Variants in ADAMTS19 observed in about 807,000 individuals in gnomAD.
ADAMTS19 encodes the protein ADAM metallopeptidase with thrombospondin type 1 motif 19, also known as A disintegrin and metalloproteinase with thrombospondin motifs 19.
A neutral mutation model predicts 153.3 loss-of-function variants in ADAMTS19; 93 were observed. The ratio of observed to expected loss-of-function variants is 0.61; its 90% CI spans 0.51 to 0.72. ADAMTS19 has a LOEUF of 0.72. Among genes scored for constraint, ADAMTS19 ranks in the 30% least tolerant of loss-of-function variants. The probability of loss-of-function intolerance (pLI) is 0.00; values close to 1 mark genes in which losing one functional copy is unlikely to be tolerated. For synonymous variants in ADAMTS19, 600 were observed against 556.6 expected (o/e 1.08, Z -1.10); for missense variants, 1,482 against 1,552.1 (o/e 0.95, Z 0.76).
intron 8 of ADAMTS19, among the ~76,000 whole-genome samples, chr5:129,613,127 A>G (rs1328408748): frequency 6.6e-6 from 1 of 152,148 alleles, no homozygotes; most frequent in Non-Finnish European, 1.5e-5. Context: ...AGACAGATCA[A>G]CGAGACAGAA....
intron 2 of ADAMTS19, among the ~76,000 whole-genome samples, chr5:129,473,563 C>T (rs1409018567): frequency 6.6e-6 from 1 of 151,992 alleles, no homozygotes; most frequent in Non-Finnish European, 1.5e-5. Context: ...ATATAATTGA[C>T]ACATTTAAAG....
chr5:129,666,421 C>G (rs1441032863), intron 16 of ADAMTS19, among the ~76,000 whole-genome samples: 1 of 151,848 alleles, frequency 6.6e-6, no homozygotes, highest in African/African-American at 2.4e-5. Flanking sequence ...ATTTTTTTAA[C>G]AAAAATAATG....
rs528340447 is a variant in ADAMTS19, at chr5:129,586,885, C to T, written c.1373-9674C>T. Among the ~76,000 whole-genome samples, 145 of 152,118 alleles carry T rather than the reference C, an allele frequency of 9.5e-4. 1 individual carries two copies. Among genetic ancestry groups the T allele is most frequent in the Middle Eastern group, 3.4e-3 (1 of 294 alleles). The stretch of plus-strand genomic sequence containing the variant: ...TTCTGTGTTGCCTTACAATTTTTTT[C>T]GAAATACATTTAATGATTAATTCTC... On this transcript the variant is annotated intron_variant, in intron 7 of 22. Transcript: ENST00000274487.
chr5:129,680,032 A>G, intron 17 of ADAMTS19, 111 bp downstream of exon 17: 1 of 1,180,896 alleles, frequency 8.5e-7, no homozygotes, highest in Non-Finnish European at 1.1e-6. Flanking sequence ...ACAGACATTT[A>G]AAATTATTTA....
chr5:129,647,831 C>CT lies in ADAMTS19; in HGVS notation c.1940dup (p.Trp648ValfsTer5). ...TGAACATCTGGCCGGAGAGTGGAGC[C>CT]TGTGGAGTCCTTGTAGCCGAACCTG... On this transcript the variant is annotated frameshift_variant, in exon 12 of 23. Coordinates refer to ENST00000274487, the MANE Select transcript of ADAMTS19 (RefSeq NM_133638.6). LOFTEE classifies it high-confidence loss of function. The CT allele has an allele frequency of 6.2e-7, 1 of 1,614,072 alleles. No homozygotes were observed. The highest frequency in any genetic ancestry group is 8.5e-7 in the Non-Finnish European group (1 of 1,179,978).
chr5:129,679,985 G>C, intron 17 of ADAMTS19, 64 bp downstream of exon 17: 1 of 1,427,122 alleles, frequency 7.0e-7, no homozygotes, highest in Non-Finnish European at 9.4e-7. Context: ...TATTCCCAGT[G>C]CACTTCCTCT....
chr5:129,702,957 T>TATAG (rs1755975824), intron 20 of ADAMTS19, among the ~76,000 whole-genome samples: 1 of 130,518 alleles, frequency 7.7e-6, no homozygotes, highest in African/African-American at 3.5e-5. Context: ...TATATATATA[T>TATAG]ATATATATAT....
At chr5:129,472,459 A>T (rs183937910) in intron 2 of ADAMTS19, among the ~76,000 whole-genome samples, 78 of 152,318 alleles carry the variant, frequency 5.1e-4, no homozygotes, top group African/African-American at 1.8e-3. Context: ...GTCCTTACTT[A>T]ATAATATCCT....
intron 4 of ADAMTS19, 133 bp downstream of exon 4, chr5:129,526,589 A>G (rs1752016971): frequency 1.3e-6 from 1 of 799,348 alleles, no homozygotes; most frequent in African/African-American, 1.8e-5. Flanking sequence ...CAGTAAAAAA[A>G]TACTTAGGTA....
At chr5:129,669,824 T>A (rs1445059373) in intron 16 of ADAMTS19, among the ~76,000 whole-genome samples, 1 of 152,180 alleles carries the variant, frequency 6.6e-6, no homozygotes, top group Non-Finnish European at 1.5e-5. Context: ...GATTTTTTTT[T>A]CATTGTTGCA....
chr5:129,637,591 T>A (rs1752587946), intron 10 of ADAMTS19, among the ~76,000 whole-genome samples: 1 of 152,056 alleles, frequency 6.6e-6, no homozygotes, highest in Non-Finnish European at 1.5e-5. Context: ...ACACCTATAA[T>A]CCCAGCACTT....
intron 21 of ADAMTS19, among the ~76,000 whole-genome samples, chr5:129,733,944 CGTGT>C (rs34177749): frequency 0.012 from 1,786 of 147,794 alleles, 20 homozygotes; most frequent in African/African-American, 0.03. Context: ...CAAGTGTGTG[CGTGT>C]GTGTGTGTGT....
intron 18 of ADAMTS19, among the ~76,000 whole-genome samples, chr5:129,693,427 G>C (rs1328981047): frequency 6.6e-6 from 1 of 152,100 alleles, no homozygotes; most frequent in Admixed American, 6.6e-5. Flanking sequence ...GTCAGTCATA[G>C]TACCCTAACT....
intron 18 of ADAMTS19, among the ~76,000 whole-genome samples, chr5:129,687,393 T>G (rs1322800675): frequency 6.6e-6 from 1 of 152,206 alleles, no homozygotes; most frequent in South Asian, 2.1e-4. Flanking sequence ...GCCATTTTTA[T>G]CTAATAGAAG....
At chr5:129,658,326 A>G (rs1437268546) in intron 14 of ADAMTS19, among the ~76,000 whole-genome samples, 1 of 108,156 alleles carries the variant, frequency 9.2e-6, no homozygotes, top group African/African-American at 3.7e-5. Flanking sequence ...AGAAAGAAAG[A>G]AAGAAAGAAA....
intron 6 of ADAMTS19, among the ~76,000 whole-genome samples, chr5:129,540,338 A>G (rs966403481): frequency 2.8e-4 from 43 of 152,230 alleles, no homozygotes; most frequent in African/African-American, 1.0e-3. Context: ...ACAATAAAGT[A>G]AATAGTTTAA....
At chr5:129,730,763 A>G (rs1056313052) in intron 21 of ADAMTS19, among the ~76,000 whole-genome samples, 3 of 152,142 alleles carry the variant, frequency 2.0e-5, no homozygotes, top group African/African-American at 7.2e-5. Flanking sequence ...TACGTCTTAA[A>G]ATCCATCATT....
intron 21 of ADAMTS19, among the ~76,000 whole-genome samples, chr5:129,720,340 T>G (rs1168427456): frequency 6.6e-6 from 1 of 151,314 alleles, no homozygotes; most frequent in Non-Finnish European, 1.5e-5. Flanking sequence ...CCCGGCTGAT[T>G]TTTCTATTTT....
At position 129,491,102 on chromosome 5, in the gene ADAMTS19, C is replaced by T. The variant is rs572063837; in HGVS notation, c.748-17975C>T. 2.8e-3 allele frequency among the ~76,000 whole-genome samples: 432 copies of T among 152,152 alleles called. 1 individual carries two copies. The highest frequency in any genetic ancestry group is 5.1e-3 in the Non-Finnish European group (345 of 67,990). ...CTGCAAGCTCCACCTCCCAGGTTCA[C>T]GCCATTCTTCTGCCTCAGCCTCCCA... is the stretch of plus-strand genomic sequence containing the variant. On this transcript the variant is annotated intron_variant, in intron 2 of 22. Coordinates refer to ENST00000274487, the MANE Select transcript of ADAMTS19 (RefSeq NM_133638.6).
Sources: allele counts gnomAD v4.1 joint callset (sites outside exome capture counted in the v4.1 genomes callset), GRCh38; gene constraint gnomAD v4.1.1; transcripts MANE v1.5; gene names NCBI Gene and HGNC (gene_info 2026-07-23, HGNC 2026-07-21).